MTOR: variants seen among roughly 807,000 people sequenced by gnomAD.
MTOR encodes the protein mechanistic target of rapamycin kinase, also known as serine/threonine-protein kinase mTOR.
Under a neutral mutation model 319.8 loss-of-function variants are expected in MTOR, and 70 were observed. That is an observed-to-expected ratio of 0.22 (90% CI 0.18 to 0.27). MTOR has a LOEUF of 0.27. Ranked by LOEUF, MTOR falls within the 10% of genes least tolerant of loss-of-function variation. The pLI, the probability that MTOR is intolerant of heterozygous loss-of-function variation, is 1.00. For missense variants in MTOR, 1,890 were observed against 3,274.4 expected, an observed-to-expected ratio of 0.58 and a Z score of 10.32; for synonymous variants, 1,183 against 1,211.4, an observed-to-expected ratio of 0.98 and a Z score of 0.49.
At chr1:11,216,033 A>G (rs1646459278) in intron 20 of MTOR, 115 bp downstream of exon 20, 1 of 672,354 alleles carries the variant, frequency 1.5e-6, no homozygotes, top group African/African-American at 1.8e-5. Context: ...TTCCTGTACT[A>G]AGACTGTAAC....
At chr1:11,217,107 CTTAA>C (rs1308959724) in intron 19 of MTOR, among the ~76,000 whole-genome samples, 1 of 152,022 alleles carries the variant, frequency 6.6e-6, no homozygotes, top group East Asian at 1.9e-4. Flanking sequence ...TTACTTAGGT[CTTAA>C]TTAATTAACT....
chr1:11,117,432 A>G (rs1476987168), intron 49 of MTOR, among the ~76,000 whole-genome samples: 1 of 152,220 alleles, frequency 6.6e-6, no homozygotes. Flanking sequence ...AAATGCTGGG[A>G]TCACAGGCCT....
intron 30 of MTOR, among the ~76,000 whole-genome samples, chr1:11,152,958 C>T (rs913363502): frequency 6.6e-6 from 1 of 152,080 alleles, no homozygotes. Context: ...AACTATAAAA[C>T]GGGAAAGAAC....
Position 11,124,536 on chromosome 1 carries a change from A to G in MTOR, c.6624T>C (p.Leu2208=), listed in dbSNP as rs56051835. 4,771 of 1,611,314 alleles carry G rather than the reference A, an allele frequency of 3.0e-3. 65 individuals carry two copies. Among genetic ancestry groups the G allele is most frequent in the South Asian group, 0.013 (1,161 of 91,016 alleles). The change falls in exon 47 of 58, where the codon CTT becomes CTC. Residue 2208 remains leucine, a synonymous_variant. Coordinates refer to ENST00000361445, the MANE Select transcript of MTOR (RefSeq NM_004958.4). ...VMQLFGLVNT[L]LANDPTSLRK... Reference sequence around the variant, plus strand: ...GAAGAGATGTTGGGTCATTGGCCAGAAGGGTGTTAACCAGGCCGAAGAGCT... The same window carrying G: ...GAAGAGATGTTGGGTCATTGGCCAGGAGGGTGTTAACCAGGCCGAAGAGCT...
chr1:11,232,473 T>C lies in MTOR; in HGVS notation c.2477A>G (p.Asp826Gly). The part of the protein sequence containing the change: ...WVDELFIIIM[D>G]MLQDSSLLAK... ...CAACAAAGAGGAATCCTGGAGCATG[T>C]CCATGATGATAATAAAAAGTTCATC... is the stretch of plus-strand genomic sequence containing the variant. The change falls in exon 16 of 58, where the codon GAC (aspartate) becomes GGC (glycine). Residue 826 changes from aspartate (D) to glycine (G), a missense_variant. Asp to Gly is a moderately conservative substitution (Grantham distance 94). Coordinates refer to ENST00000361445, the MANE Select transcript of MTOR (RefSeq NM_004958.4). 1 of 1,614,018 alleles carries C rather than the reference T, an allele frequency of 6.2e-7. No individual in the cohort carries two copies.
intron 19 of MTOR, among the ~76,000 whole-genome samples, chr1:11,224,281 A>G (rs2100836398): frequency 6.6e-6 from 1 of 152,250 alleles, no homozygotes; most frequent in Admixed American, 6.5e-5. Context: ...AAGCTGGTAC[A>G]GCTATATTAA....
At position 11,122,000 on chromosome 1, in the gene MTOR, G is replaced by A. The variant is rs368311275; in HGVS notation, c.6789C>T (p.Ile2263=). The change falls in exon 48 of 58, where the codon ATC becomes ATT. Residue 2263 remains isoleucine (I), a synonymous_variant. Coordinates refer to ENST00000361445, the MANE Select transcript of MTOR (RefSeq NM_004958.4). The surrounding 1 kb of genome is among the most constrained non-coding windows in gnomAD (Gnocchi z 4.9). The part of the protein sequence containing the change: ...YREKKKILLN[I]EHRIMLRMAP... ...ATACCCGCAACATGATGCGATGCTC[G>A]ATGTTGAGAAGGATCTTCTTCTTCT... 11 of 1,613,992 alleles carry A rather than the reference G, an allele frequency of 6.8e-6. No homozygotes were observed. Among genetic ancestry groups the A allele is most frequent in the African/African-American group, 1.3e-5 (1 of 74,934 alleles).
At chr1:11,243,575 C>T (rs1378358812) in intron 8 of MTOR, among the ~76,000 whole-genome samples, 1 of 151,682 alleles carries the variant, frequency 6.6e-6, no homozygotes, top group Non-Finnish European at 1.5e-5. Context: ...GTAATCCCAG[C>T]TACTCGGGAG....
intron 29 of MTOR, among the ~76,000 whole-genome samples, chr1:11,159,943 A>C (rs1644423441): frequency 6.6e-6 from 1 of 152,202 alleles, no homozygotes. Context: ...GAAGTTATCA[A>C]AATGCCCTGC....
intron 28 of MTOR, among the ~76,000 whole-genome samples, chr1:11,192,912 G>C (rs1490497412): frequency 6.6e-6 from 1 of 152,116 alleles, no homozygotes; most frequent in East Asian, 1.9e-4. Context: ...ACATAGATCA[G>C]ATCATTCTTA....
In MTOR at chr1:11,115,349, G is replaced by T; in HGVS notation, c.7089+47C>A. 1 of 1,582,000 alleles carries T rather than the reference G, an allele frequency of 6.3e-7. No individual in the cohort carries two copies. Among genetic ancestry groups the T allele is most frequent in the Non-Finnish European group, 8.7e-7 (1 of 1,150,924 alleles). ...CTACAGTGTCAGAGGAGGGGGAAAAGTGATCACCCGGGAAGATGAGGTTGG... is the reference window on the plus strand; with the variant it reads ...CTACAGTGTCAGAGGAGGGGGAAAATTGATCACCCGGGAAGATGAGGTTGG... On this transcript the variant is annotated intron_variant, in intron 51 of 57. Transcript: ENST00000361445. The surrounding 1 kb of genome is among the most constrained non-coding windows in gnomAD (Gnocchi z 4.5).
intron 19 of MTOR, among the ~76,000 whole-genome samples, chr1:11,223,811 G>A (rs1429520123): frequency 2.0e-5 from 3 of 152,058 alleles, no homozygotes; most frequent in Non-Finnish European, 2.9e-5. Context: ...AGGCCGAGAC[G>A]GGTGGATCAC....
At position 11,121,238 on chromosome 1, in the gene MTOR, T is replaced by C; in HGVS notation, c.6933+8A>G. The C allele has an allele frequency of 1.2e-6, 2 of 1,612,876 alleles. No individual in the cohort carries two copies. The highest frequency in any genetic ancestry group is 1.7e-6 in the Non-Finnish European group (2 of 1,180,020). On this transcript the variant is annotated splice_region_variant and intron_variant, in intron 49 of 57. Transcript: ENST00000361445. This position sits in a 1 kb window ranked among gnomAD's most constrained non-coding sequence, Gnocchi z 4.9. Reference sequence around the variant, plus strand: ...GAGAGCGCAGGTCTGCAGGGCCCAGTGGCCTACCTCGGAGCTGGGGCTTTT... The same window carrying C: ...GAGAGCGCAGGTCTGCAGGGCCCAGCGGCCTACCTCGGAGCTGGGGCTTTT...
At chr1:11,191,568 T>C (rs979178336) in intron 28 of MTOR, among the ~76,000 whole-genome samples, 1 of 152,170 alleles carries the variant, frequency 6.6e-6, no homozygotes, top group Admixed American at 6.5e-5. Flanking sequence ...TCTTCCACTA[T>C]GCTCTTTGAT....
chr1:11,133,621 T>C lies in MTOR; in HGVS notation c.5247-424A>G, dbSNP rs1209593455. On this transcript the variant is annotated intron_variant, in intron 37 of 57. Coordinates refer to ENST00000361445, the MANE Select transcript of MTOR (RefSeq NM_004958.4). This position sits in a 1 kb window ranked among gnomAD's most constrained non-coding sequence, Gnocchi z 4.0. Reference sequence around the variant, plus strand: ...CTGACTGCTACTGTATTCCAAGTGCTGCTTGAAATGCTTGGCATTGTACTC... The same window carrying C: ...CTGACTGCTACTGTATTCCAAGTGCCGCTTGAAATGCTTGGCATTGTACTC... Among the ~76,000 whole-genome samples the C allele has an allele frequency of 6.6e-6, 1 of 152,254 alleles. No homozygotes were observed. Among genetic ancestry groups the C allele is most frequent in the African/African-American group, 2.4e-5 (1 of 41,472 alleles).
intron 36 of MTOR, among the ~76,000 whole-genome samples, chr1:11,135,368 A>T (rs567033624): frequency 2.9e-4 from 44 of 152,364 alleles, no homozygotes; most frequent in African/African-American, 5.3e-4. Context: ...CTCAAATGGA[A>T]AAATGGCAAA....
chr1:11,182,447 T>C (rs1645191245), intron 28 of MTOR, among the ~76,000 whole-genome samples: 1 of 152,244 alleles, frequency 6.6e-6, no homozygotes, highest in South Asian at 2.1e-4. Flanking sequence ...ATGTGTCAGA[T>C]ACTAGTTCAA....
rs1647052089 is a variant in MTOR, at chr1:11,232,480, T to A, written c.2470A>T (p.Ile824Phe). ...RKWVDELFII[I>F]MDMLQDSSLL... ...GAGGAATCCTGGAGCATGTCCATGA[T>A]GATAATAAAAAGTTCATCAACCCAT... Residue 824 changes from isoleucine to phenylalanine, a missense_variant, in exon 16 of 58, where the codon ATC becomes TTC. Ile to Phe is a conservative substitution (Grantham distance 21). Coordinates refer to ENST00000361445, the MANE Select transcript of MTOR (RefSeq NM_004958.4). The A allele has an allele frequency of 6.2e-7, 1 of 1,614,028 alleles. No homozygotes were observed. The highest frequency in any genetic ancestry group is 8.5e-7 in the Non-Finnish European group (1 of 1,179,922).
At chr1:11,236,157 G>C (rs1025151631) in intron 13 of MTOR, among the ~76,000 whole-genome samples, 18 of 140,632 alleles carry the variant, frequency 1.3e-4, no homozygotes, top group African/African-American at 4.8e-4. Flanking sequence ...TTTTTTTTGA[G>C]ATAGGGTCTC....
Sources: gnomAD v4.1 joint callset for allele counts (sites outside exome capture counted in the v4.1 genomes callset) on GRCh38, gnomAD v4.1.1 for gene constraint, Gnocchi (gnomAD v3.1) non-coding constraint, MANE v1.5 for transcripts, NCBI Gene and HGNC (gene_info 2026-07-23, HGNC 2026-07-21) for gene names.